Variants in DENND1B observed in about 807,000 individuals in gnomAD.
DENND1B encodes the protein DENN domain-containing protein 1B.
DENND1B carries 59 observed loss-of-function variants against 90.1 expected under a neutral mutation model. The observed-to-expected ratio is 0.65, with a 90% confidence interval of 0.53 to 0.81. DENND1B has a LOEUF of 0.81. Ranked by LOEUF, DENND1B falls within the 40% of genes least tolerant of loss-of-function variation. The pLI is 0.00. For synonymous variants in DENND1B, 337 were observed against 324.6 expected (o/e 1.04, Z -0.41); for missense variants, 862 against 912.6 (o/e 0.94, Z 0.71).
intron 2 of DENND1B, among the ~76,000 whole-genome samples, chr1:197,742,621 CTG>C (rs1342947920): frequency 4.6e-5 from 7 of 152,118 alleles, no homozygotes; most frequent in Non-Finnish European, 1.5e-5. Flanking sequence ...AAAAGCAAGA[CTG>C]TGGTCTCTGG....
At chr1:197,693,454 A>T (rs1273784124) in intron 3 of DENND1B, among the ~76,000 whole-genome samples, 1 of 151,688 alleles carries the variant, frequency 6.6e-6, no homozygotes, top group African/African-American at 2.4e-5. Context: ...AATATTGTAT[A>T]CTACTTAAAA....
At chr1:197,723,633 A>C (rs933921111) in intron 2 of DENND1B, among the ~76,000 whole-genome samples, 1 of 152,196 alleles carries the variant, frequency 6.6e-6, no homozygotes, top group African/African-American at 2.4e-5. Context: ...GCTTGTAGAA[A>C]GATGATCTGT....
chr1:197,707,897 G>C (rs1384790575), intron 3 of DENND1B, among the ~76,000 whole-genome samples: 1 of 150,694 alleles, frequency 6.6e-6, no homozygotes, highest in East Asian at 2.0e-4. Flanking sequence ...GAAGCAGGGC[G>C]AGGCATTGCC....
At chr1:197,591,164 T>C (rs1431698931) in intron 14 of DENND1B, among the ~76,000 whole-genome samples, 2 of 152,176 alleles carry the variant, frequency 1.3e-5, no homozygotes, top group African/African-American at 2.4e-5. Flanking sequence ...TTCCCATACA[T>C]TTAGAAGTAT....
chr1:197,739,879 T>C (rs1663054211), intron 2 of DENND1B, among the ~76,000 whole-genome samples: 2 of 152,214 alleles, frequency 1.3e-5, no homozygotes, highest in Non-Finnish European at 1.5e-5. Flanking sequence ...CTTAAAATGC[T>C]TCCACCAATT....
intron 2 of DENND1B, among the ~76,000 whole-genome samples, chr1:197,731,118 G>C (rs547587457): frequency 4.1e-4 from 62 of 152,190 alleles, no homozygotes; most frequent in African/African-American, 1.5e-3. Flanking sequence ...AACTTCTTGA[G>C]AGTATTTACA....
At chr1:197,694,383 T>C (rs532407896) in intron 3 of DENND1B, among the ~76,000 whole-genome samples, 2 of 151,600 alleles carry the variant, frequency 1.3e-5, no homozygotes, top group Non-Finnish European at 3.0e-5. Flanking sequence ...TCTTGTTGTT[T>C]CCATTATTTG....
chr1:197,747,991 G>A (rs1490605619), intron 2 of DENND1B, among the ~76,000 whole-genome samples: 2 of 152,096 alleles, frequency 1.3e-5, no homozygotes, highest in African/African-American at 4.8e-5. Context: ...CACGTAAATA[G>A]AATAAAATCT....
intron 2 of DENND1B, among the ~76,000 whole-genome samples, chr1:197,742,416 CTT>C (rs1663299678): frequency 6.6e-6 from 1 of 152,152 alleles, no homozygotes; most frequent in Admixed American, 6.5e-5. Flanking sequence ...ACATCTCTGA[CTT>C]TACCAATCTT....
chr1:197,603,022 G>A (rs994514883), intron 13 of DENND1B, among the ~76,000 whole-genome samples: 3 of 151,120 alleles, frequency 2.0e-5, no homozygotes, highest in Admixed American at 1.3e-4. Context: ...TCTTTTCAAC[G>A]TTTTAGTAAT....
chr1:197,716,697 T>A lies in DENND1B; in HGVS notation c.83-1623A>T, dbSNP rs28709435. On this transcript the variant is annotated intron_variant, in intron 2 of 22. Coordinates refer to ENST00000620048, the MANE Select transcript of DENND1B (RefSeq NM_001195215.2). ...TAACAGCTACATAAACAAATCCTCA[T>A]GCAGAAATACAGAACAGTTCTTTCT... Among the ~76,000 whole-genome samples, 5 of 151,926 alleles carry A rather than the reference T, an allele frequency of 3.3e-5. No individual in the cohort carries two copies. In the East Asian group the frequency reaches 9.7e-4, roughly 29 times the overall value.
intron 15 of DENND1B, among the ~76,000 whole-genome samples, chr1:197,563,603 A>C (rs2125709755): frequency 6.6e-6 from 1 of 152,128 alleles, no homozygotes; most frequent in South Asian, 2.1e-4. Flanking sequence ...GAGATATAAA[A>C]GGAGATTAAT....
intron 2 of DENND1B, among the ~76,000 whole-genome samples, chr1:197,769,254 A>G (rs1256822693): frequency 6.6e-6 from 1 of 152,234 alleles, no homozygotes; most frequent in Non-Finnish European, 1.5e-5. Flanking sequence ...TTGCCAATTT[A>G]AATAAATCAA....
upstream of DENND1B, among the ~76,000 whole-genome samples, chr1:197,779,196 T>C (rs946641549): frequency 6.6e-6 from 1 of 152,226 alleles, no homozygotes; most frequent in African/African-American, 2.4e-5. Context: ...TTTTCACTGA[T>C]GAAGAATTCA....
At position 197,675,281 on chromosome 1, in the gene DENND1B, T is replaced by C. The variant is rs960985450; in HGVS notation, c.127-1112A>G. Among the ~76,000 whole-genome samples, 7 of 152,168 alleles carry C rather than the reference T, an allele frequency of 4.6e-5. No individual in the cohort carries two copies. The East Asian group carries it at 5.8e-4, about 13-fold the overall frequency. ...AATATTTAAACCGTATACATAAATA[T>C]AGCATTGAGTGTTTTAAAGTAGAAT... On this transcript the variant is annotated intron_variant, in intron 3 of 22. Transcript: ENST00000620048.
intron 9 of DENND1B, among the ~76,000 whole-genome samples, chr1:197,644,542 G>A (rs1014058660): frequency 6.6e-6 from 1 of 152,156 alleles, no homozygotes; most frequent in Non-Finnish European, 1.5e-5. Flanking sequence ...GTCAAGACAT[G>A]GTCAGTCAGC....
At position 197,679,054 on chromosome 1, in the gene DENND1B, A is replaced by G. The variant is rs528037592; in HGVS notation, c.127-4885T>C. Among the ~76,000 whole-genome samples, 41 of 152,236 alleles carry G rather than the reference A, an allele frequency of 2.7e-4. 1 individual carries two copies. The South Asian group carries it at 8.1e-3, about 30-fold the overall frequency. ...AAAACTACATAGGTTATTAAATCTG[A>G]TCAAGTTATTTTTCACTATCAAGAA... On this transcript the variant is annotated intron_variant, in intron 3 of 22. Coordinates refer to ENST00000620048, the MANE Select transcript of DENND1B (RefSeq NM_001195215.2).
upstream of DENND1B, among the ~76,000 whole-genome samples, chr1:197,779,104 G>A (rs1001674333): frequency 3.3e-5 from 5 of 152,024 alleles, no homozygotes; most frequent in Admixed American, 2.0e-4. Flanking sequence ...TTCTGTGTAG[G>A]ATCACTTTCC....
intron 2 of DENND1B, among the ~76,000 whole-genome samples, chr1:197,771,194 G>C (rs899904699): frequency 6.6e-6 from 1 of 152,098 alleles, no homozygotes; most frequent in East Asian, 1.9e-4. Flanking sequence ...TTATAGGCGT[G>C]AGCCACCGTG....
Sources: gnomAD v4.1 joint callset for allele counts (sites outside exome capture counted in the v4.1 genomes callset) on GRCh38, gnomAD v4.1.1 for gene constraint, MANE v1.5 for transcripts, NCBI Gene and HGNC (gene_info 2026-07-23, HGNC 2026-07-21) for gene names.